Variants in MRPL46 observed in about 807,000 individuals in gnomAD.
The protein encoded by MRPL46 is mitochondrial ribosomal protein L46.
MRPL46 carries 26 observed loss-of-function variants against 31.0 expected under a neutral mutation model. The observed-to-expected ratio is 0.84, with a 90% CI of 0.61 to 1.16. The LOEUF is 1.16. MRPL46 is among the 50% of genes most tolerant of loss of function. The pLI is 0.00. For synonymous variants in MRPL46, 159 were observed against 141.3 expected, an observed-to-expected ratio of 1.13 and a Z score of -0.89; for missense variants, 395 against 340.0, an observed-to-expected ratio of 1.16 and a Z score of -1.27.
At position 88,464,808 on chromosome 15, in the gene MRPL46, T is replaced by G; in HGVS notation, c.484A>C (p.Arg162=). Residue 162 remains arginine (R), a synonymous_variant, in exon 3 of 4, where the codon AGA becomes CGA. Transcript: ENST00000312475. ...ACATCCTGGTCTCCAAACTTCTCTC[T>G]GACTAACAGGACAAGGTTCCTGTCT... ...KLDRNLVLLV[R]EKFGDQDVWI... 1.2e-6 allele frequency: 2 copies of G among 1,614,192 alleles called. No individual in the cohort carries two copies. Among genetic ancestry groups the G allele is most frequent in the Non-Finnish European group, 1.7e-6 (2 of 1,180,018 alleles).
At chr15:88,464,231 A>C (rs1319945460) in intron 3 of MRPL46, 1 of 156,990 alleles carries the variant, frequency 6.4e-6, no homozygotes, top group East Asian at 1.9e-4. Flanking sequence ...AGAGATGGGA[A>C]ACCCTAGTCT....
chr15:88,463,215 A>C lies in MRPL46; in HGVS notation c.589+1488T>G, dbSNP rs1370406572. On this transcript the variant is annotated intron_variant, in intron 3 of 3. Transcript: ENST00000312475. The surrounding 1 kb of genome is among the most constrained non-coding windows in gnomAD (Gnocchi z 5.4). ...CAGGCCCCTTGGGAGAGTCAAGGGA[A>C]CACACACTGGCTACCGACATTTCGT... 1 of 152,228 alleles carries C rather than the reference A, an allele frequency of 6.6e-6. No individual in the cohort carries two copies. The highest frequency in any genetic ancestry group is 1.5e-5 in the Non-Finnish European group (1 of 68,052). 9.4% of individuals were successfully genotyped at this position (152,228 alleles called of 1,614,324 possible).
At chr15:88,461,730 CT>C (rs1307335161) in intron 3 of MRPL46, 1 of 152,188 alleles carries the variant, frequency 6.6e-6, no homozygotes, top group African/African-American at 2.4e-5. Flanking sequence ...CAGTTCTAGA[CT>C]TTTATCCTAC....
chr15:88,466,142 C>T (rs28643871), intron 1 of MRPL46, among the ~76,000 whole-genome samples: 10,089 of 152,216 alleles, frequency 0.066, 1,153 homozygotes, highest in African/African-American at 0.23. Context: ...AGAGGTTGTT[C>T]CTTCTTCCTA....
chr15:88,464,205 A>G (rs1160125084), intron 3 of MRPL46: 1 of 156,542 alleles, frequency 6.4e-6, no homozygotes, highest in Non-Finnish European at 1.4e-5. Flanking sequence ...ATCCGACCCC[A>G]AACACCAATA....
chr15:88,466,692 C>T (rs576758461), intron 1 of MRPL46, among the ~76,000 whole-genome samples: 1 of 152,354 alleles, frequency 6.6e-6, no homozygotes, highest in East Asian at 1.9e-4. Context: ...CGACCTCACA[C>T]CTTCACAGCC....
Position 88,459,660 on chromosome 15 carries a change from T to G in MRPL46, c.793A>C (p.Lys265Gln). ...CTAACTTGGGCCAGGTATTTTGGTT[T>G]CAAATAGTCACCCAGCTCATCCTTA... Reference protein sequence around the residue: ...VTKDELGDYLKPKYLAQVRRF... With the variant: ...VTKDELGDYLQPKYLAQVRRF... The change falls in exon 4 of 4, where the codon AAA (lysine) becomes CAA (glutamine). Residue 265 changes from lysine (K) to glutamine (Q), a missense_variant. Lys to Gln is a moderately conservative substitution (Grantham distance 53). Transcript: ENST00000312475. 3 of 1,614,172 alleles carry G rather than the reference T, an allele frequency of 1.9e-6. No individual in the cohort carries two copies. Among genetic ancestry groups the G allele is most frequent in the Non-Finnish European group, 2.5e-6 (3 of 1,180,032 alleles).
chr15:88,459,896 A>G, intron 3 of MRPL46, 33 bp from the exon 4 acceptor site: 1 of 1,612,730 alleles, frequency 6.2e-7, no homozygotes. Context: ...TCACAATTGG[A>G]AGGTAAGGAT....
intron 3 of MRPL46, chr15:88,461,893 T>C (rs1471738745): frequency 6.6e-6 from 1 of 152,178 alleles, no homozygotes; most frequent in Non-Finnish European, 1.5e-5. Context: ...AGATAGGTCT[T>C]AATAGGCTGA....
chr15:88,461,115 A>C (rs2055473725), intron 3 of MRPL46: 1 of 152,236 alleles, frequency 6.6e-6, no homozygotes, highest in South Asian at 2.1e-4. Flanking sequence ...CTTTCTAAGC[A>C]AGAAACAAAA....
At chr15:88,466,887 G>A (rs2055543522) in intron 1 of MRPL46, among the ~76,000 whole-genome samples, 1 of 152,162 alleles carries the variant, frequency 6.6e-6, no homozygotes, top group Non-Finnish European at 1.5e-5. Context: ...TAGTGACACG[G>A]ACCGATTCTT....
In MRPL46 at chr15:88,459,685, A is replaced by G; in HGVS notation, c.768T>C (p.Thr256=). Reference sequence around the variant, plus strand: ...TCAAATAGTCACCCAGCTCATCCTTAGTGACCCACACATGATGGCCCTTAT... The same window carrying G: ...TCAAATAGTCACCCAGCTCATCCTTGGTGACCCACACATGATGGCCCTTAT... ...AGNKGHHVWV[T]KDELGDYLKP... is the part of the protein sequence containing the mutation. Residue 256 remains threonine, a synonymous_variant, in exon 4 of 4, where the codon ACT becomes ACC. Transcript: ENST00000312475. 6.2e-7 allele frequency: 1 copy of G among 1,614,150 alleles called. No homozygotes were observed. Among genetic ancestry groups the G allele is most frequent in the South Asian group, 1.1e-5 (1 of 91,078 alleles).
chr15:88,465,685 T>C lies in MRPL46; in HGVS notation c.317A>G (p.His106Arg). The C allele has an allele frequency of 6.2e-7, 1 of 1,614,100 alleles. No homozygotes were observed. The highest frequency in any genetic ancestry group is 1.3e-5 in the African/African-American group (1 of 75,052). The change falls in exon 2 of 4, where the codon CAT (histidine) becomes CGT (arginine). Residue 106 changes from histidine (H) to arginine (R), a missense_variant. By Grantham distance (29) the His-to-Arg change is conservative. Coordinates refer to ENST00000312475, the MANE Select transcript of MRPL46 (RefSeq NM_022163.4). ...TATATCCTGTTCATCTTCTTCATCATGAAGGTCAGCTTTCTTCTTTGCCAG... is the reference window on the plus strand; with the variant it reads ...TATATCCTGTTCATCTTCTTCATCACGAAGGTCAGCTTTCTTCTTTGCCAG... ...QRLAKKKADLHDEEDEQDILL... is the reference protein window; with the variant it reads ...QRLAKKKADLRDEEDEQDILL...
chr15:88,459,611 C>A lies in MRPL46; in HGVS notation c.*2G>T. 6.2e-7 allele frequency: 1 copy of A among 1,613,898 alleles called. No homozygotes were observed. The highest frequency in any genetic ancestry group is 8.5e-7 in the Non-Finnish European group (1 of 1,180,036). Reference sequence around the variant, plus strand: ...AGCACCGTCCACAGGCAGCTCGGCCCATCAGAGGTCTGAAACAAACCTCCT... The same window carrying A: ...AGCACCGTCCACAGGCAGCTCGGCCAATCAGAGGTCTGAAACAAACCTCCT... On this transcript the variant is annotated 3_prime_UTR_variant, in exon 4 of 4. Coordinates refer to ENST00000312475, the MANE Select transcript of MRPL46 (RefSeq NM_022163.4).
intron 3 of MRPL46, chr15:88,460,947 G>A (rs998644525): frequency 6.6e-6 from 1 of 152,212 alleles, no homozygotes; most frequent in African/African-American, 2.4e-5. Context: ...TGCCATGTTG[G>A]TCAGGCTGGT....
rs534903916 is a variant in MRPL46 at position 88,463,636 on chromosome 15, G to A, written c.589+1067C>T. 5 of 152,244 alleles carry A rather than the reference G, an allele frequency of 3.3e-5. No individual in the cohort carries two copies. The highest frequency in any genetic ancestry group is 4.2e-4 in the South Asian group (2 of 4,816). The allele number at this position is 152,244 out of a possible 1,614,324, so 9.4% of individuals were successfully genotyped here. ...GCTCAGGAAAGGTTTCACCACATAC[G>A]GTATAATGTATAAACTGTCTTAAAA... On this transcript the variant is annotated intron_variant, in intron 3 of 3. Coordinates refer to ENST00000312475, the MANE Select transcript of MRPL46 (RefSeq NM_022163.4). The surrounding 1 kb of genome is among the most constrained non-coding windows in gnomAD (Gnocchi z 5.4).
At chr15:88,465,040 AAG>A in intron 2 of MRPL46, 164 bp from the exon 3 acceptor site, 1 of 632,420 alleles carries the variant, frequency 1.6e-6, no homozygotes, top group Non-Finnish European at 2.5e-6. Context: ...TCTTCCAGGG[AAG>A]AGTCTCACAA....
chr15:88,463,320 G>A lies in MRPL46; in HGVS notation c.589+1383C>T, dbSNP rs113813687. ...TCCATTTAGTCAACATTCAACAAATGCCTATGTGCCAGGTACTTTGCTGAA... is the reference window on the plus strand; with the variant it reads ...TCCATTTAGTCAACATTCAACAAATACCTATGTGCCAGGTACTTTGCTGAA... On this transcript the variant is annotated intron_variant, in intron 3 of 3. Transcript: ENST00000312475. The surrounding 1 kb of genome is among the most constrained non-coding windows in gnomAD (Gnocchi z 5.4). 2.0e-4 allele frequency: 31 copies of A among 152,378 alleles called. No homozygotes were observed. Among genetic ancestry groups the A allele is most frequent in the African/African-American group, 6.7e-4 (28 of 41,588 alleles). The allele number at this position is 152,378 out of a possible 1,614,324, so 9.4% of individuals were successfully genotyped here. A position where few individuals can be genotyped will look rare whatever the true frequency, so the allele number is the denominator to read the frequency against.
Position 88,459,630 on chromosome 15 carries a change from ACCT to A in MRPL46, c.820_822del (p.Arg274del), listed in dbSNP as rs1425793351. ...TCGGCCCATCAGAGGTCTGAAACAA[ACCT>A]CCTAACTTGGGCCAGGTATTTTGGT... On this transcript the variant is annotated inframe_deletion, in exon 4 of 4. Transcript: ENST00000312475. 3 of 1,613,798 alleles carry A rather than the reference ACCT, an allele frequency of 1.9e-6. No homozygotes were observed. The highest frequency in any genetic ancestry group is 2.5e-6 in the Non-Finnish European group (3 of 1,180,028).
Sources: gnomAD v4.1 joint callset for allele counts (sites outside exome capture counted in the v4.1 genomes callset) on GRCh38, gnomAD v4.1.1 for gene constraint, Gnocchi (gnomAD v3.1) non-coding constraint, MANE v1.5 for transcripts, NCBI Gene and HGNC (gene_info 2026-07-23, HGNC 2026-07-21) for gene names.